The following KIF13A variants were observed in gnomAD, a reference collection of about 807,000 sequenced individuals.
The protein encoded by KIF13A is kinesin family member 13A.
KIF13A carries 79 observed loss-of-function variants against 212.2 expected under a neutral mutation model. The observed-to-expected ratio is 0.37, with a 90% CI of 0.31 to 0.45. The LOEUF is 0.45. Among genes scored for constraint, KIF13A ranks in the 20% least tolerant of loss-of-function variants. KIF13A has a pLI of 1.00. For synonymous variants in KIF13A, 789 were observed against 808.6 expected, an observed-to-expected ratio of 0.98 and a Z score of 0.41; for missense variants, 1,901 against 2,209.0, an observed-to-expected ratio of 0.86 and a Z score of 2.79.
intron 2 of KIF13A, among the ~76,000 whole-genome samples, chr6:17,946,187 C>T (rs1777382176): frequency 6.6e-6 from 1 of 152,056 alleles, no homozygotes; most frequent in African/African-American, 2.4e-5. Context: ...AACCCCTGGG[C>T]TCAAAGCGAT....
chr6:17,932,106 G>C (rs959419150), intron 2 of KIF13A, among the ~76,000 whole-genome samples: 1 of 152,036 alleles, frequency 6.6e-6, no homozygotes, highest in African/African-American at 2.4e-5. Flanking sequence ...AAGCCCTCCA[G>C]GTGACTCCGA....
At chr6:17,824,028 C>A (rs1007741870) in intron 16 of KIF13A, among the ~76,000 whole-genome samples, 2 of 151,560 alleles carry the variant, frequency 1.3e-5, no homozygotes, top group Non-Finnish European at 2.9e-5. Context: ...CTGCCTCAGC[C>A]TTCCGAGTAG....
At chr6:17,844,123 G>C (rs1766796137) in intron 9 of KIF13A, among the ~76,000 whole-genome samples, 1 of 152,002 alleles carries the variant, frequency 6.6e-6, no homozygotes, top group Non-Finnish European at 1.5e-5. Context: ...TTTGAGTTTA[G>C]TGTTCTCCCC....
chr6:17,883,040 CA>C lies in KIF13A; in HGVS notation c.160-9604del, dbSNP rs1243103813. On this transcript the variant is annotated intron_variant, in intron 3 of 38. Transcript: ENST00000259711. The surrounding 1 kb of genome is among the most constrained non-coding windows in gnomAD (Gnocchi z 4.8). ...TTGGTTTCCCTAATCTTTTCATTAC[CA>C]AAAATACTCGGCGAATTTACATTTT... Among the ~76,000 whole-genome samples, 2 of 152,036 alleles carry C rather than the reference CA, an allele frequency of 1.3e-5. No individual in the cohort carries two copies. The highest frequency in any genetic ancestry group is 2.9e-5 in the Non-Finnish European group (2 of 68,016).
chr6:17,797,776 T>C (rs545805678), intron 22 of KIF13A, among the ~76,000 whole-genome samples: 1 of 152,238 alleles, frequency 6.6e-6, no homozygotes, highest in African/African-American at 2.4e-5. Flanking sequence ...TGCACACCTG[T>C]AGTCCCAGCT....
chr6:17,975,406 G>A (rs919183500), intron 2 of KIF13A, among the ~76,000 whole-genome samples: 15 of 152,126 alleles, frequency 9.9e-5, no homozygotes, highest in Admixed American at 1.3e-4. Context: ...CGCGTCTGGA[G>A]TTTTTTCCTT....
chr6:17,944,318 G>A (rs1332828018), intron 2 of KIF13A, among the ~76,000 whole-genome samples: 1 of 152,158 alleles, frequency 6.6e-6, no homozygotes, highest in Non-Finnish European at 1.5e-5. Flanking sequence ...TCAGGACAGT[G>A]GAACACATTT....
chr6:17,969,559 T>C (rs1024501271), intron 2 of KIF13A, among the ~76,000 whole-genome samples: 13 of 152,246 alleles, frequency 8.5e-5, no homozygotes, highest in Non-Finnish European at 1.8e-4. Flanking sequence ...TCTATACTTT[T>C]ATTTTTCTTC....
At chr6:17,959,504 G>A (rs1778636679) in intron 2 of KIF13A, among the ~76,000 whole-genome samples, 1 of 152,202 alleles carries the variant, frequency 6.6e-6, no homozygotes, top group African/African-American at 2.4e-5. Context: ...GAAAGCAGCA[G>A]AGGAAAGAAT....
rs373182867 is a variant in KIF13A at position 17,862,949 on chromosome 6, AAAAC to A, written c.221-6831_221-6828del. Among the ~76,000 whole-genome samples the A allele has an allele frequency of 3.7e-4, 57 of 152,142 alleles. 1 individual carries two copies. Among genetic ancestry groups the A allele is most frequent in the Admixed American group, 7.2e-4 (11 of 15,290 alleles). ...GGCGACAGAGCGAGACTGCGTCTCA[AAAAC>A]AAACAAACAAACAAACAAACAAAAA... On this transcript the variant is annotated intron_variant, in intron 4 of 38. Transcript: ENST00000259711.
intron 2 of KIF13A, among the ~76,000 whole-genome samples, chr6:17,956,143 G>A (rs527412855): frequency 1.1e-4 from 16 of 152,284 alleles, no homozygotes; most frequent in Admixed American, 2.6e-4. Flanking sequence ...CCTTACATCC[G>A]TAAGATGCAG....
In KIF13A at chr6:17,786,365, G is replaced by A. The variant is rs1761055526; in HGVS notation, c.3362-724C>T. On this transcript the variant is annotated intron_variant, in intron 27 of 38. Coordinates refer to ENST00000259711, the MANE Select transcript of KIF13A (RefSeq NM_022113.6). The surrounding 1 kb of genome is among the most constrained non-coding windows in gnomAD (Gnocchi z 5.4). ...TGTAACCCCAGCACTTTTGGAGGCC[G>A]AGGTGGGCAGATCTCCTGAGGTCAG... Among the ~76,000 whole-genome samples the A allele has an allele frequency of 6.6e-6, 1 of 152,132 alleles. No homozygotes were observed. Among genetic ancestry groups the A allele is most frequent in the African/African-American group, 2.4e-5 (1 of 41,440 alleles).
At chr6:17,780,012 C>T (rs1031764013) in intron 31 of KIF13A, among the ~76,000 whole-genome samples, 7 of 152,096 alleles carry the variant, frequency 4.6e-5, no homozygotes, top group Admixed American at 1.3e-4. Flanking sequence ...TCTCAAAGTG[C>T]TGGGACTACA....
chr6:17,877,014 A>C (rs1213904330), intron 3 of KIF13A, among the ~76,000 whole-genome samples: 2 of 152,122 alleles, frequency 1.3e-5, no homozygotes, highest in African/African-American at 4.8e-5. Flanking sequence ...TGAAGCCTGC[A>C]ATGTTTATAG....
At chr6:17,820,844 G>A (rs1764368751) in intron 16 of KIF13A, among the ~76,000 whole-genome samples, 1 of 152,134 alleles carries the variant, frequency 6.6e-6, no homozygotes, top group Non-Finnish European at 1.5e-5. Flanking sequence ...AAATGGCGGT[G>A]GTAGTGGTGC....
intron 3 of KIF13A, among the ~76,000 whole-genome samples, chr6:17,896,166 T>C (rs1772545903): frequency 6.6e-6 from 1 of 152,052 alleles, no homozygotes; most frequent in African/African-American, 2.4e-5. Context: ...TCTAACTGCG[T>C]TTGGTTGAAA....
At chr6:17,923,608 G>A (rs1295851124) in intron 2 of KIF13A, among the ~76,000 whole-genome samples, 1 of 151,622 alleles carries the variant, frequency 6.6e-6, no homozygotes, top group Non-Finnish European at 1.5e-5. Context: ...TTATTGGGGT[G>A]ACCCTCTTCA....
rs905903459 is a variant in KIF13A at position 17,875,003 on chromosome 6, G to GCACACACACACA, written c.160-1578_160-1567dup. On this transcript the variant is annotated intron_variant, in intron 3 of 38. Transcript: ENST00000259711. ...CACACACACACACACGCACACGCAC[G>GCACACACACACA]CACACACACACACACACACACAGCA... is the stretch of plus-strand genomic sequence containing the variant. Among the ~76,000 whole-genome samples the GCACACACACACA allele has an allele frequency of 6.0e-5, 8 of 133,384 alleles. No homozygotes were observed. The East Asian group carries it at 6.4e-4, about 11-fold the overall frequency. 87.5% of individuals were successfully genotyped at this position (133,384 alleles called of 152,430 possible).
In KIF13A at chr6:17,800,130, G is replaced by A; in HGVS notation, c.2455-17C>T. 1.2e-6 allele frequency: 2 copies of A among 1,610,094 alleles called. No individual in the cohort carries two copies. The highest frequency in any genetic ancestry group is 1.7e-4 in the Middle Eastern group (1 of 6,026). On this transcript the variant is annotated splice_polypyrimidine_tract_variant and intron_variant, in intron 20 of 38. Coordinates refer to ENST00000259711, the MANE Select transcript of KIF13A (RefSeq NM_022113.6). ...CCCTGCAACCTGGGTCAAGGAACCA[G>A]AGCACCTTAGAGTGAACAGACATCC... is the stretch of plus-strand genomic sequence containing the variant.
Sources: gnomAD v4.1 joint callset for allele counts (sites outside exome capture counted in the v4.1 genomes callset) on GRCh38, gnomAD v4.1.1 for gene constraint, Gnocchi (gnomAD v3.1) non-coding constraint, MANE v1.5 for transcripts, NCBI Gene and HGNC (gene_info 2026-07-23, HGNC 2026-07-21) for gene names.